The following MYH14 variants were observed in gnomAD, a reference collection of about 807,000 sequenced individuals.
The protein encoded by MYH14 is myosin-14.
Under a neutral mutation model 255.5 loss-of-function variants are expected in MYH14, and 123 were observed. That is an observed-to-expected ratio of 0.48 (90% confidence interval 0.42 to 0.56). The LOEUF is 0.56. Among genes scored for constraint, MYH14 ranks in the 20% least tolerant of loss-of-function variants. The pLI is 0.00. For synonymous variants in MYH14, 1,095 were observed against 1,161.2 expected (o/e 0.94, Z 1.16); for missense variants, 2,423 against 2,802.3 (o/e 0.86, Z 3.06).
In MYH14 at chr19:50,276,899, A is replaced by C; in HGVS notation, c.3823A>C (p.Arg1275=). Residue 1275 remains arginine (R), a splice_region_variant and synonymous_variant, in exon 29 of 43, where the codon AGG becomes CGG. Coordinates refer to ENST00000642316, the MANE Select transcript of MYH14 (RefSeq NM_001145809.2). This position sits in a 1 kb window ranked among gnomAD's most constrained non-coding sequence, Gnocchi z 4.3. ...GGCGGAGCAGCTGGAGCAGGCCCGGAGGGTGGGTTGGGGCAGGGGGACAGG... is the reference window on the plus strand; with the variant it reads ...GGCGGAGCAGCTGGAGCAGGCCCGGCGGGTGGGTTGGGGCAGGGGGACAGG... ...ELAEQLEQAR[R]GKGAWEKTRL... 1.3e-6 allele frequency: 1 copy of C among 781,544 alleles called. No homozygotes were observed. Among genetic ancestry groups the C allele is most frequent in the Non-Finnish European group, 1.7e-6 (1 of 573,594 alleles). 48.4% of individuals were successfully genotyped at this position (781,544 alleles called of 1,614,324 possible).
At chr19:50,247,161 G>A (rs749281401) in intron 12 of MYH14, 39 bp downstream of exon 12, 11 of 1,449,386 alleles carry the variant, frequency 7.6e-6, no homozygotes, top group African/African-American at 5.6e-5. Context: ...AGAAAGAGCC[G>A]CGCACCCCGG....
At chr19:50,209,805 T>G (rs112137647) in intron 1 of MYH14, among the ~76,000 whole-genome samples, 7,826 of 99,196 alleles carry the variant, frequency 0.079, 362 homozygotes, top group African/African-American at 0.17. Flanking sequence ...AAAAAGAAAA[T>G]AATTAGCCGG....
intron 2 of MYH14, among the ~76,000 whole-genome samples, chr19:50,212,918 C>A (rs566112109): frequency 1.3e-5 from 2 of 152,176 alleles, no homozygotes; most frequent in Non-Finnish European, 2.9e-5. Context: ...ATCAGGATGA[C>A]ATCCAAAACA....
At chr19:50,231,387 A>G (rs1048541495) in intron 9 of MYH14, among the ~76,000 whole-genome samples, 1 of 152,096 alleles carries the variant, frequency 6.6e-6, no homozygotes. Flanking sequence ...ACTTCTAGAG[A>G]CTCAAAAGTC....
At chr19:50,267,066 G>T in intron 23 of MYH14, 58 bp downstream of exon 23, 1 of 1,474,996 alleles carries the variant, frequency 6.8e-7, no homozygotes, top group East Asian at 2.5e-5. Context: ...TGTGTCGCAT[G>T]GGTGGAGCCA....
chr19:50,232,419 C>G (rs1026433093), intron 10 of MYH14, among the ~76,000 whole-genome samples: 1 of 137,172 alleles, frequency 7.3e-6, no homozygotes, highest in African/African-American at 2.6e-5. Context: ...TGGTGAAACA[C>G]CGTTTCTACT....
rs758608874 is a variant in MYH14 at position 50,261,641 on chromosome 19, C to A, written c.2585+6C>A. ...CGGGGATACCTGGCTCGCAGGTGGGCAGCCACGCTGTCTCCCGGGGTCCTG... is the reference window on the plus strand; with the variant it reads ...CGGGGATACCTGGCTCGCAGGTGGGAAGCCACGCTGTCTCCCGGGGTCCTG... On this transcript the variant is annotated splice_donor_region_variant and intron_variant, in intron 21 of 42. Transcript: ENST00000642316. 2.5e-6 allele frequency: 4 copies of A among 1,590,866 alleles called. No individual in the cohort carries two copies. The highest frequency in any genetic ancestry group is 3.4e-6 in the Non-Finnish European group (4 of 1,170,516).
At chr19:50,233,908 C>T (rs1004607818) in intron 10 of MYH14, among the ~76,000 whole-genome samples, 8 of 150,832 alleles carry the variant, frequency 5.3e-5, no homozygotes, top group East Asian at 2.0e-4. Flanking sequence ...CTCCACCTCC[C>T]GGGTTCAAGC....
rs761367650 is a variant in MYH14, at chr19:50,252,115, C to T, written c.1831-524C>T. Among the ~76,000 whole-genome samples the T allele has an allele frequency of 9.2e-5, 14 of 152,366 alleles. No homozygotes were observed. Among genetic ancestry groups the T allele is most frequent in the Non-Finnish European group, 1.8e-4 (12 of 68,038 alleles). On this transcript the variant is annotated intron_variant, in intron 15 of 42. Transcript: ENST00000642316. The surrounding 1 kb of genome is among the most constrained non-coding windows in gnomAD (Gnocchi z 4.2). ...CCCCAGACATACTCCAGAACTCCCCCTGTACCCAGCCCTCTGCTAGGCCGT... is the reference window on the plus strand; with the variant it reads ...CCCCAGACATACTCCAGAACTCCCCTTGTACCCAGCCCTCTGCTAGGCCGT...
chr19:50,306,666 G>A (rs940462080), intron 40 of MYH14, among the ~76,000 whole-genome samples: 1 of 152,198 alleles, frequency 6.6e-6, no homozygotes, highest in Non-Finnish European at 1.5e-5. Flanking sequence ...TTATAGGGGA[G>A]AGAGACAAAA....
rs1405597421 is a variant in MYH14 at position 50,252,455 on chromosome 19, G to A, written c.1831-184G>A. On this transcript the variant is annotated intron_variant, in intron 15 of 42. Coordinates refer to ENST00000642316, the MANE Select transcript of MYH14 (RefSeq NM_001145809.2). This position sits in a 1 kb window ranked among gnomAD's most constrained non-coding sequence, Gnocchi z 4.2. ...GGTGGCAGGGGGCATAGAGGGGAAG[G>A]AGAGAGAGGGGACCATGCTGGTGGG... Among the ~76,000 whole-genome samples the A allele has an allele frequency of 2.6e-5, 4 of 152,072 alleles. No homozygotes were observed. Among genetic ancestry groups the A allele is most frequent in the Non-Finnish European group, 4.4e-5 (3 of 68,020 alleles).
Position 50,290,933 on chromosome 19 carries a change from C to T in MYH14, c.5012C>T (p.Thr1671Ile). The T allele has an allele frequency of 3.8e-6, 6 of 1,589,026 alleles. No homozygotes were observed. Among genetic ancestry groups the T allele is most frequent in the South Asian group, 1.1e-5 (1 of 87,076 alleles). Residue 1671 changes from threonine to isoleucine, a missense_variant, in exon 36 of 43, where the codon ACT (threonine) becomes ATT (isoleucine). Physicochemically the swap from Thr to Ile is moderately conservative, Grantham distance 89 (BLOSUM62 -1). Transcript: ENST00000642316. ...VERDEERKQR[T>I]LAVAARKKLE... ...CGGGATGAGGAGCGGAAGCAGCGCA[C>T]TCTGGCCGTGGCTGCCCGCAAGAAG...
rs2033142561 is a variant in MYH14 at position 50,227,028 on chromosome 19, G to A, written c.874+62G>A. 4.3e-6 allele frequency: 6 copies of A among 1,399,086 alleles called. No individual in the cohort carries two copies. The East Asian group carries it at 1.6e-4, about 38-fold the overall frequency. 86.7% of individuals were successfully genotyped at this position (1,399,086 alleles called of 1,614,324 possible). On this transcript the variant is annotated intron_variant, in intron 8 of 42. Coordinates refer to ENST00000642316, the MANE Select transcript of MYH14 (RefSeq NM_001145809.2). Reference sequence around the variant, plus strand: ...GGGGCAGCCTTTCAGACAGCACTGAGTATGGAAAGCACCTCCCACTGCAGG... The same window carrying A: ...GGGGCAGCCTTTCAGACAGCACTGAATATGGAAAGCACCTCCCACTGCAGG...
intron 7 of MYH14, among the ~76,000 whole-genome samples, chr19:50,225,901 G>T (rs1249678193): frequency 2.3e-5 from 2 of 86,394 alleles, no homozygotes; most frequent in African/African-American, 4.5e-5. Flanking sequence ...GAGGGGCTGG[G>T]GGCCTGAACC....
chr19:50,258,246 A>G (rs1286245888), intron 18 of MYH14, among the ~76,000 whole-genome samples: 1 of 152,014 alleles, frequency 6.6e-6, no homozygotes, highest in African/African-American at 2.4e-5. Context: ...CCCATATTTT[A>G]TCAAATCTAA....
Position 50,205,906 on chromosome 19 carries a change from A to G in MYH14, c.-4+2235A>G, listed in dbSNP as rs974279836. On this transcript the variant is annotated intron_variant, in intron 1 of 42. Coordinates refer to ENST00000642316, the MANE Select transcript of MYH14 (RefSeq NM_001145809.2). Reference sequence around the variant, plus strand: ...CTAGAAGCCAGGGTCAGACGGCTGGATGCCAAGGGCCCCAACCTCTGCCCC... The same window carrying G: ...CTAGAAGCCAGGGTCAGACGGCTGGGTGCCAAGGGCCCCAACCTCTGCCCC... Among the ~76,000 whole-genome samples the G allele has an allele frequency of 3.3e-5, 5 of 152,172 alleles. No homozygotes were observed. In the East Asian group the frequency reaches 9.7e-4, roughly 30 times the overall value.
intron 10 of MYH14, among the ~76,000 whole-genome samples, chr19:50,235,147 C>A (rs1315457089): frequency 6.6e-6 from 1 of 151,900 alleles, no homozygotes; most frequent in African/African-American, 2.4e-5. Flanking sequence ...CGACTGAGGT[C>A]AGGAGTTCGA....
intron 13 of MYH14, chr19:50,249,433 C>G: frequency 1.6e-6 from 1 of 641,448 alleles, no homozygotes. Context: ...GTCTCTGGGT[C>G]TCTGCCTCTC....
chr19:50,254,072 C>T (rs1029735152), intron 16 of MYH14, among the ~76,000 whole-genome samples: 2 of 152,088 alleles, frequency 1.3e-5, no homozygotes, highest in African/African-American at 4.8e-5. Flanking sequence ...ACAAAATTAG[C>T]TGGGCGTGGT....
Sources: gnomAD v4.1 joint callset for allele counts (sites outside exome capture counted in the v4.1 genomes callset) on GRCh38, gnomAD v4.1.1 for gene constraint, Gnocchi (gnomAD v3.1) non-coding constraint, MANE v1.5 for transcripts, NCBI Gene and HGNC (gene_info 2026-07-23, HGNC 2026-07-21) for gene names.